Variants in TGFBRAP1 observed in about 807,000 individuals in gnomAD.
TGFBRAP1 encodes transforming growth factor beta receptor associated protein 1.
TGFBRAP1 carries 20 observed loss-of-function variants against 83.2 expected under a neutral mutation model. The ratio of observed to expected loss-of-function variants is 0.24; its 90% CI spans 0.17 to 0.35. The LOEUF is 0.35. TGFBRAP1 is among the 10% of genes least tolerant of loss of function. The pLI, the probability that TGFBRAP1 is intolerant of heterozygous loss-of-function variation, is 1.00. For missense variants in TGFBRAP1, 950 were observed against 1,099.4 expected (o/e 0.86, Z 1.92); for synonymous variants, 415 against 459.8 (o/e 0.90, Z 1.25).
chr2:105,313,066 C>G (rs893042922), intron 1 of TGFBRAP1, among the ~76,000 whole-genome samples: 1 of 151,894 alleles, frequency 6.6e-6, no homozygotes, highest in African/African-American at 2.4e-5. Context: ...GAGCAGAGAT[C>G]GCGCCACTGC....
intron 1 of TGFBRAP1, among the ~76,000 whole-genome samples, chr2:105,312,310 AT>A (rs1283063504): frequency 2.0e-5 from 3 of 152,202 alleles, no homozygotes; most frequent in African/African-American, 7.2e-5. Flanking sequence ...TTTAAAAAAA[AT>A]AAGAATATTA....
downstream of TGFBRAP1, among the ~76,000 whole-genome samples, chr2:105,261,893 T>TA (rs777065659): frequency 2.3e-4 from 35 of 152,180 alleles, no homozygotes; most frequent in Non-Finnish European, 4.6e-4. Context: ...TAGAGTGGGC[T>TA]AGAGTCACTT....
chr2:105,307,662 T>C lies in TGFBRAP1; in HGVS notation c.640A>G (p.Lys214Glu). The stretch of plus-strand genomic sequence containing the variant: ...AGGAACTCCTGTCTCCCTATCCTCT[T>C]GACGATCGGCGGCCTCTCCTCACTG... ...YCSEERPPIV[K>E]RIGRQEFLLA... Residue 214 changes from lysine (K) to glutamate (E), a missense_variant, in exon 2 of 12, where the codon AAG (lysine) becomes GAG (glutamate). Physicochemically the swap from Lys to Glu is moderately conservative, Grantham distance 56. Coordinates refer to ENST00000393359, the MANE Select transcript of TGFBRAP1 (RefSeq NM_004257.6). The C allele has an allele frequency of 6.2e-7, 1 of 1,614,004 alleles. No homozygotes were observed. Among genetic ancestry groups the C allele is most frequent in the Non-Finnish European group, 8.5e-7 (1 of 1,179,998 alleles).
chr2:105,321,778 C>T (rs1366153938), intron 1 of TGFBRAP1, among the ~76,000 whole-genome samples: 1 of 152,220 alleles, frequency 6.6e-6, no homozygotes, highest in Non-Finnish European at 1.5e-5. Flanking sequence ...AAATGCATCA[C>T]TCATGTGTGG....
chr2:105,254,493 G>A, the TGFBRAP1 span, among the ~76,000 whole-genome samples: 337 of 152,182 alleles, frequency 2.2e-3, no homozygotes, highest in Non-Finnish European at 3.7e-3. Flanking sequence ...TTATATATAG[G>A]AGAGTATAAA....
intron 1 of TGFBRAP1, among the ~76,000 whole-genome samples, chr2:105,316,462 T>TGTGTGTGTGTGTGTGTGCGCGCGC (rs1177329674): frequency 1.2e-5 from 1 of 84,816 alleles, no homozygotes; most frequent in African/African-American, 5.4e-5. Flanking sequence ...TGTGTGTGTG[T>TGTGTGTGTGTGTGTGTGCGCGCGC]GCGCGCGCGC....
At chr2:105,289,715 G>C (rs1242555792) in intron 4 of TGFBRAP1, among the ~76,000 whole-genome samples, 1 of 152,216 alleles carries the variant, frequency 6.6e-6, no homozygotes, top group East Asian at 1.9e-4. Context: ...CAGCCTCTAG[G>C]TGTTGTGGTT....
chr2:105,262,504 C>T (rs1289170981), downstream of TGFBRAP1, among the ~76,000 whole-genome samples: 1 of 152,168 alleles, frequency 6.6e-6, no homozygotes, highest in Non-Finnish European at 1.5e-5. Context: ...AACAATGAGC[C>T]AAACAAACCT....
At chr2:105,297,389 C>T (rs980387050) in intron 3 of TGFBRAP1, among the ~76,000 whole-genome samples, 4 of 152,202 alleles carry the variant, frequency 2.6e-5, no homozygotes, top group African/African-American at 9.7e-5. Flanking sequence ...TCCACCACAC[C>T]CTGAGCCCGA....
intron 2 of TGFBRAP1, among the ~76,000 whole-genome samples, 162 bp downstream of exon 2, chr2:105,307,452 A>T (rs1474476675): frequency 6.6e-6 from 1 of 152,154 alleles, no homozygotes; most frequent in Admixed American, 6.5e-5. Flanking sequence ...ATCGAACTGG[A>T]TTTCATCAAG....
intron 1 of TGFBRAP1, among the ~76,000 whole-genome samples, chr2:105,309,092 G>A (rs1678614674): frequency 6.6e-6 from 1 of 152,220 alleles, no homozygotes; most frequent in African/African-American, 2.4e-5. Flanking sequence ...TTGGAAGTGA[G>A]ACTTTCCCAC....
At chr2:105,283,101 G>A (rs1414131130) in intron 5 of TGFBRAP1, among the ~76,000 whole-genome samples, 1 of 152,142 alleles carries the variant, frequency 6.6e-6, no homozygotes, top group Non-Finnish European at 1.5e-5. Context: ...AACACTGTAG[G>A]GCTAACACAA....
At chr2:105,298,441 T>G (rs1015932377) in intron 3 of TGFBRAP1, 70 bp downstream of exon 3, 78 of 1,493,156 alleles carry the variant, frequency 5.2e-5, no homozygotes, top group Non-Finnish European at 6.6e-5. Flanking sequence ...AGTTCCTAAA[T>G]GATATTTACC....
At chr2:105,300,746 T>G (rs1451956993) in intron 2 of TGFBRAP1, among the ~76,000 whole-genome samples, 1 of 152,136 alleles carries the variant, frequency 6.6e-6, no homozygotes, top group Non-Finnish European at 1.5e-5. Flanking sequence ...CTATCAAATC[T>G]TTATAACTAA....
chr2:105,260,061 G>C (rs575153555), downstream of TGFBRAP1, among the ~76,000 whole-genome samples: 2 of 152,232 alleles, frequency 1.3e-5, no homozygotes, highest in African/African-American at 2.4e-5. Flanking sequence ...TACACTCTTG[G>C]TGACTACACT....
chr2:105,287,384 CA>C (rs1032210267), intron 4 of TGFBRAP1, among the ~76,000 whole-genome samples: 5 of 151,338 alleles, frequency 3.3e-5, no homozygotes, highest in African/African-American at 7.3e-5. Context: ...TACCACATTA[CA>C]AAAAAAATAA....
At chr2:105,256,661 T>C in the TGFBRAP1 span, among the ~76,000 whole-genome samples, 2 of 152,230 alleles carry the variant, frequency 1.3e-5, no homozygotes, top group African/African-American at 4.8e-5. Flanking sequence ...GGTCTGGCTA[T>C]ATTTAAGTGC....
intron 1 of TGFBRAP1, among the ~76,000 whole-genome samples, chr2:105,324,616 T>C (rs796422759): frequency 3.9e-5 from 6 of 152,348 alleles, no homozygotes; most frequent in African/African-American, 1.2e-4. Flanking sequence ...AGTTTTTTTT[T>C]CCTTCTGAAA....
intron 1 of TGFBRAP1, among the ~76,000 whole-genome samples, chr2:105,315,903 T>C (rs559190928): frequency 2.0e-5 from 3 of 152,346 alleles, no homozygotes; most frequent in Non-Finnish European, 4.4e-5. Flanking sequence ...ATATGAGATA[T>C]GCACAGCAAG....
Sources: allele counts gnomAD v4.1 joint callset (sites outside exome capture counted in the v4.1 genomes callset), GRCh38; gene constraint gnomAD v4.1.1; transcripts MANE v1.5; gene names NCBI Gene and HGNC (gene_info 2026-07-23, HGNC 2026-07-21).